PHYKPL: variants seen among roughly 807,000 people sequenced by gnomAD.
PHYKPL encodes the protein 5-phosphonooxy-L-lysine phospho-lyase.
PHYKPL carries 42 observed loss-of-function variants against 51.3 expected under a neutral mutation model. The ratio of observed to expected loss-of-function variants is 0.82; its 90% CI spans 0.64 to 1.06. The LOEUF (loss-of-function observed/expected upper bound fraction) is 1.06. Ranked by LOEUF, PHYKPL falls within the 50% of genes least tolerant of loss-of-function variation. PHYKPL has a pLI of 0.00. For missense variants in PHYKPL, 655 were observed against 586.6 expected (o/e 1.12, Z -1.20); for synonymous variants, 264 against 236.0 (o/e 1.12, Z -1.09).
chr5:178,223,021 G>C (rs1229938570), intron 6 of PHYKPL, 87 bp from the exon 7 acceptor site: 28 of 1,299,716 alleles, frequency 2.2e-5, no homozygotes, highest in Non-Finnish European at 3.0e-5. Context: ...CTTAGTCCAA[G>C]CAAGACAAGT....
At chr5:178,225,266 G>T in intron 4 of PHYKPL, 89 bp downstream of exon 4, 1 of 1,500,280 alleles carries the variant, frequency 6.7e-7, no homozygotes, top group Non-Finnish European at 9.2e-7. Context: ...TATCCTCCCT[G>T]CCTAAGGCAC....
intron 8 of PHYKPL, among the ~76,000 whole-genome samples, chr5:178,218,643 T>C (rs1307473932): frequency 1.3e-5 from 2 of 152,218 alleles, no homozygotes; most frequent in Non-Finnish European, 2.9e-5. Flanking sequence ...TTCAGAACAG[T>C]GAGAAATCTG....
At chr5:178,223,524 G>C (rs1167403077) in intron 6 of PHYKPL, 3 of 455,774 alleles carry the variant, frequency 6.6e-6, no homozygotes, top group Non-Finnish European at 1.3e-5. Context: ...TGCCTTACAG[G>C]TGGGAGGGCA....
In PHYKPL at chr5:178,212,083, T is replaced by A. The variant is rs922380589; in HGVS notation, c.1304-113A>T. The A allele has an allele frequency of 1.3e-5, 14 of 1,103,582 alleles. No homozygotes were observed. The Admixed American group carries it at 2.5e-4, about 20-fold the overall frequency. 68.4% of individuals were successfully genotyped at this position (1,103,582 alleles called of 1,614,324 possible). A position where few individuals can be genotyped will look rare whatever the true frequency, so the allele number is the denominator to read the frequency against. The stretch of plus-strand genomic sequence containing the variant: ...GTTTAGAGATTGGGCCCTCTGGCTA[T>A]CCACACCCATGTCCCATTCCCCAAA... On this transcript the variant is annotated intron_variant, in intron 11 of 12. Transcript: ENST00000308158.
chr5:178,223,189 A>T, intron 6 of PHYKPL: 3 of 485,116 alleles, frequency 6.2e-6, no homozygotes, highest in South Asian at 5.9e-5. Flanking sequence ...TTTTTCCACC[A>T]TAAGCCAGTT....
intron 12 of PHYKPL, chr5:178,210,298 T>C: frequency 6.2e-7 from 1 of 1,613,860 alleles, no homozygotes; most frequent in Non-Finnish European, 8.5e-7. Context: ...GGAGGCCCCA[T>C]CCGCTCACCC....
rs1203541512 is a variant in PHYKPL, at chr5:178,232,675, T to C, written c.-125A>G. On this transcript the variant is annotated 5_prime_UTR_variant, in exon 1 of 13. Transcript: ENST00000308158. ...CGGGATTTGGGGCTCAGGTTCGCAC[T>C]CGGCCCCGCCCCGAAGCGCCCGCGT... 1.1e-5 allele frequency: 12 copies of C among 1,092,128 alleles called. No homozygotes were observed. Among genetic ancestry groups the C allele is most frequent in the Non-Finnish European group, 1.4e-5 (12 of 864,342 alleles). 67.7% of individuals were successfully genotyped at this position (1,092,128 alleles called of 1,614,324 possible). A position where few individuals can be genotyped will look rare whatever the true frequency, so the allele number is the denominator to read the frequency against.
Position 178,224,657 on chromosome 5 carries a change from CT to C in PHYKPL, c.485del (p.Lys162ArgfsTer32). The C allele has an allele frequency of 6.2e-7, 1 of 1,614,230 alleles. No individual in the cohort carries two copies. The highest frequency in any genetic ancestry group is 2.2e-5 in the East Asian group (1 of 44,882). ...PYKFRNLDGQ[K>X]EWVHVAPLPD... ...CAGTGCATACCACGTGGACCCACTCCTTCTGGCCATCCAGGTTGCGGAACTT... is the reference window on the plus strand; with the variant it reads ...CAGTGCATACCACGTGGACCCACTCCTCTGGCCATCCAGGTTGCGGAACTT... On this transcript the variant is annotated frameshift_variant, in exon 5 of 13. Transcript: ENST00000308158. LOFTEE classifies it high-confidence loss of function.
chr5:178,209,202 C>A (rs1329976383), intron 12 of PHYKPL: 3 of 789,530 alleles, frequency 3.8e-6, no homozygotes, highest in Admixed American at 1.9e-5. Flanking sequence ...GCCTCCCATA[C>A]TAGCATATTT....
chr5:178,214,096 C>G (rs1259906181), intron 10 of PHYKPL, among the ~76,000 whole-genome samples: 1 of 152,118 alleles, frequency 6.6e-6, no homozygotes, highest in Non-Finnish European at 1.5e-5. Flanking sequence ...AGTTCAAATA[C>G]AGCACAGAGA....
intron 12 of PHYKPL, chr5:178,210,516 T>C: frequency 1.2e-6 from 2 of 1,601,596 alleles, no homozygotes; most frequent in Non-Finnish European, 1.7e-6. Flanking sequence ...GGCAAATGCT[T>C]GTAAATAGTA....
At chr5:178,209,551 G>T in intron 12 of PHYKPL, 2 of 966,074 alleles carry the variant, frequency 2.1e-6, no homozygotes, top group Non-Finnish European at 1.6e-6. Context: ...GGGGTGGGCA[G>T]ATTGTGTGAG....
Position 178,224,482 on chromosome 5 carries a change from C to A in PHYKPL, c.584G>T (p.Arg195Leu), listed in dbSNP as rs770515263. The change falls in exon 6 of 13, where the codon CGT becomes CTT. Residue 195 changes from arginine to leucine, a missense_variant. By Grantham distance (102) the Arg-to-Leu change is moderately radical (BLOSUM62 -2). Coordinates refer to ENST00000308158, the MANE Select transcript of PHYKPL (RefSeq NM_153373.4). ...CTTCTCCTGTGCACTGCTGACCACA[C>A]GTTTCACCTCGTTGGCATAGGCCAT... ...PAMAYANEVK[R>L]VVSSAQEKGR... The A allele has an allele frequency of 2.5e-6, 4 of 1,606,882 alleles. No individual in the cohort carries two copies. In the South Asian group the frequency reaches 4.5e-5, roughly 18 times the overall value.
chr5:178,222,271 T>A, intron 8 of PHYKPL, 84 bp downstream of exon 8: 1 of 1,237,844 alleles, frequency 8.1e-7, no homozygotes, highest in Non-Finnish European at 1.1e-6. Context: ...GCTAGCCCTG[T>A]AGCCTTTGCT....
At position 178,231,086 on chromosome 5, in the gene PHYKPL, C is replaced by T. The variant is rs1465128773; in HGVS notation, c.178+319G>A. The stretch of plus-strand genomic sequence containing the variant: ...GATGGCCAATGGGGCTGAAGCACTG[C>T]CATGACCCCAGCACTTGGCCAGCAC... On this transcript the variant is annotated intron_variant, in intron 2 of 12. Coordinates refer to ENST00000308158, the MANE Select transcript of PHYKPL (RefSeq NM_153373.4). The T allele has an allele frequency of 6.0e-5, 19 of 316,174 alleles. No individual in the cohort carries two copies. The East Asian group carries it at 1.3e-3, about 22-fold the overall frequency. The allele number at this position is 316,174 out of a possible 1,614,324, so 19.6% of individuals were successfully genotyped here.
chr5:178,210,768 C>A (rs1035139789), intron 12 of PHYKPL: 2 of 684,402 alleles, frequency 2.9e-6, no homozygotes, highest in African/African-American at 3.5e-5. Context: ...ATGGAAATCA[C>A]TCTCCTGTTG....
intron 12 of PHYKPL, 97 bp from the exon 13 acceptor site, chr5:178,209,012 G>T: frequency 3.4e-6 from 1 of 293,120 alleles, no homozygotes; most frequent in Non-Finnish European, 6.6e-6. Context: ...AAGGTGTGGT[G>T]CCTGGTCCCA....
In PHYKPL at chr5:178,230,041, G is replaced by T; in HGVS notation, c.237C>A (p.Asn79Lys). Residue 79 changes from asparagine to lysine, a missense_variant, in exon 3 of 13, where the codon AAC becomes AAA. Coordinates refer to ENST00000308158, the MANE Select transcript of PHYKPL (RefSeq NM_153373.4). The stretch of plus-strand genomic sequence containing the variant: ...TGTCATGCAGGTACCGGCTGTTGGT[G>T]TTGAGCACCTGGTTCTGCTCATGTG... The part of the protein sequence containing the change: ...QAAHEQNQVL[N>K]TNSRYLHDNI... The T allele has an allele frequency of 1.2e-6, 2 of 1,614,204 alleles. No homozygotes were observed. Among genetic ancestry groups the T allele is most frequent in the Non-Finnish European group, 1.7e-6 (2 of 1,180,038 alleles).
chr5:178,226,903 ATG>A (rs1259901612), intron 3 of PHYKPL, among the ~76,000 whole-genome samples: 2 of 151,436 alleles, frequency 1.3e-5, no homozygotes, highest in African/African-American at 2.5e-5. Flanking sequence ...GTTTGTATAT[ATG>A]TGTGTCTGTG....
Sources: gnomAD v4.1 joint callset for allele counts (sites outside exome capture counted in the v4.1 genomes callset) on GRCh38, gnomAD v4.1.1 for gene constraint, MANE v1.5 for transcripts, NCBI Gene and HGNC (gene_info 2026-07-23, HGNC 2026-07-21) for gene names.